Variants in CUTC observed in about 807,000 individuals in gnomAD.
CUTC encodes the protein copper homeostasis protein cutC homolog.
Under a neutral mutation model 36.2 loss-of-function variants are expected in CUTC, and 27 were observed. That is an observed-to-expected ratio of 0.75 (90% confidence interval 0.55 to 1.03). The LOEUF is 1.03. Among genes scored for constraint, CUTC ranks in the 50% least tolerant of loss-of-function variants. The pLI, the probability that CUTC is intolerant of heterozygous loss-of-function variation, is 0.00. For missense variants in CUTC, 315 were observed against 343.5 expected (o/e 0.92, Z 0.66); for synonymous variants, 114 against 118.3 (o/e 0.96, Z 0.24).
At chr10:99,744,742 G>A (rs947517073) in intron 5 of CUTC, among the ~76,000 whole-genome samples, 6 of 152,116 alleles carry the variant, frequency 3.9e-5, no homozygotes, top group Non-Finnish European at 8.8e-5. Context: ...TAAAAAATCA[G>A]GTAGATATAA....
In CUTC at chr10:99,741,170, CA is replaced by C. The variant is rs2037338202; in HGVS notation, c.193+1405del. Among the ~76,000 whole-genome samples the C allele has an allele frequency of 3.3e-5, 5 of 152,114 alleles. No individual in the cohort carries two copies. In the South Asian group the frequency reaches 1.0e-3, roughly 31 times the overall value. On this transcript the variant is annotated intron_variant, in intron 3 of 8. Coordinates refer to ENST00000370476, the MANE Select transcript of CUTC (RefSeq NM_015960.3). ...CATTTTTGAATTCCTACAAATGTTC[CA>C]AAACAGTTTGGTCCTTTTGGGTCTT...
At position 99,743,324 on chromosome 10, in the gene CUTC, A is replaced by ATGGGGGCATTGACTGAAGG. The variant is rs1413166522; in HGVS notation, c.368_369insGGGCATTGACTGAAGGTGG (p.His124GlyfsTer4). 1 of 1,614,076 alleles carries ATGGGGGCATTGACTGAAGG rather than the reference A, an allele frequency of 6.2e-7. No homozygotes were observed. The highest frequency in any genetic ancestry group is 1.3e-5 in the African/African-American group (1 of 74,924). ...TTGGTTTTTGGGGCATTGACTGAAG[A>ATGGGGGCATTGACTGAAGG]TGGACACATTGACAAAGAGCTGTGT... is the stretch of plus-strand genomic sequence containing the variant. On this transcript the variant is annotated stop_gained and frameshift_variant, in exon 4 of 9. Transcript: ENST00000370476. LOFTEE classifies it high-confidence loss of function.
In CUTC at chr10:99,732,347, G is replaced by T. The variant is rs2037205566; in HGVS notation, c.-2G>T. 1 of 1,552,482 alleles carries T rather than the reference G, an allele frequency of 6.4e-7. No homozygotes were observed. Among genetic ancestry groups the T allele is most frequent in the Non-Finnish European group, 8.7e-7 (1 of 1,147,666 alleles). ...GGCGCACGAGGGAGGAACGCGTGGAGCATGAAAAGGCAGGGGGCCTCCTCT... is the reference window on the plus strand; with the variant it reads ...GGCGCACGAGGGAGGAACGCGTGGATCATGAAAAGGCAGGGGGCCTCCTCT... On this transcript the variant is annotated 5_prime_UTR_variant, in exon 1 of 9. Coordinates refer to ENST00000370476, the MANE Select transcript of CUTC (RefSeq NM_015960.3).
chr10:99,753,441 A>G (rs964320517), intron 7 of CUTC, among the ~76,000 whole-genome samples: 1 of 152,150 alleles, frequency 6.6e-6, no homozygotes, highest in African/African-American at 2.4e-5. Context: ...ACAGGGTCTC[A>G]CTGTGTCGCC....
chr10:99,747,496 A>G, intron 6 of CUTC, 106 bp downstream of exon 6: 2 of 1,297,808 alleles, frequency 1.5e-6, no homozygotes, highest in East Asian at 2.4e-5. Context: ...CTTTGTGGTT[A>G]CTCTGTAGGA....
At chr10:99,738,225 T>G (rs2037312534) in intron 2 of CUTC, among the ~76,000 whole-genome samples, 1 of 152,114 alleles carries the variant, frequency 6.6e-6, no homozygotes, top group Non-Finnish European at 1.5e-5. Context: ...CATACATATA[T>G]AAGAAATCCA....
At chr10:99,746,119 T>A (rs962369916) in intron 5 of CUTC, among the ~76,000 whole-genome samples, 2 of 152,186 alleles carry the variant, frequency 1.3e-5, no homozygotes, top group Non-Finnish European at 2.9e-5. Flanking sequence ...CATATATGAG[T>A]GCTACCTGTG....
intron 2 of CUTC, among the ~76,000 whole-genome samples, chr10:99,738,345 G>A (rs745414153): frequency 4.6e-5 from 7 of 150,718 alleles, no homozygotes; most frequent in East Asian, 1.9e-4. Context: ...TCTTAATATC[G>A]TCAAATAACC....
chr10:99,744,092 A>G lies in CUTC; in HGVS notation c.439+20A>G, dbSNP rs1355395111. 1.9e-6 allele frequency: 3 copies of G among 1,604,042 alleles called. No individual in the cohort carries two copies. Among genetic ancestry groups the G allele is most frequent in the Non-Finnish European group, 2.6e-6 (3 of 1,173,090 alleles). On this transcript the variant is annotated intron_variant, in intron 5 of 8. Coordinates refer to ENST00000370476, the MANE Select transcript of CUTC (RefSeq NM_015960.3). ...ACCGAGGTGAGTCATTTTCATTTTA[A>G]AAGTTCTATTGAACAGTGTTAGTTT...
At chr10:99,740,364 A>G (rs2037332895) in intron 3 of CUTC, among the ~76,000 whole-genome samples, 2 of 151,858 alleles carry the variant, frequency 1.3e-5, no homozygotes, top group Admixed American at 1.3e-4. Flanking sequence ...CAGCTTTTAT[A>G]TGTCTAAAAT....
intron 1 of CUTC, among the ~76,000 whole-genome samples, chr10:99,735,591 A>G (rs2037290715): frequency 6.6e-6 from 1 of 152,170 alleles, no homozygotes; most frequent in Non-Finnish European, 1.5e-5. Context: ...TATTTTTAGT[A>G]GAGACAGGGT....
Position 99,747,242 on chromosome 10 carries a change from T to C in CUTC, c.440-15T>C, listed in dbSNP as rs2037384350. 2 of 1,612,368 alleles carry C rather than the reference T, an allele frequency of 1.2e-6. No individual in the cohort carries two copies. The highest frequency in any genetic ancestry group is 1.7e-6 in the Non-Finnish European group (2 of 1,179,490). On this transcript the variant is annotated splice_polypyrimidine_tract_variant and intron_variant, in intron 5 of 8. Coordinates refer to ENST00000370476, the MANE Select transcript of CUTC (RefSeq NM_015960.3). The stretch of plus-strand genomic sequence containing the variant: ...GATACCTGTTCAAAATTCACATCAG[T>C]TTTATTTATTTCAGCCTTTGACATG...
intron 3 of CUTC, 94 bp from the exon 4 acceptor site, chr10:99,743,059 C>T: frequency 1.7e-6 from 2 of 1,211,110 alleles, no homozygotes; most frequent in Non-Finnish European, 1.2e-6. Context: ...GTCTGTCCTA[C>T]CTTTTAGAGC....
chr10:99,747,925 A>G (rs2037390854), intron 6 of CUTC, among the ~76,000 whole-genome samples: 1 of 152,216 alleles, frequency 6.6e-6, no homozygotes. Flanking sequence ...CTAAAATTAT[A>G]ATCTTATTTC....
chr10:99,736,094 GA>G (rs2037294433), intron 1 of CUTC, 151 bp from the exon 2 acceptor site: 1 of 598,782 alleles, frequency 1.7e-6, no homozygotes, highest in African/African-American at 1.9e-5. Context: ...TAATTAATGT[GA>G]TATTTTATTG....
intron 3 of CUTC, among the ~76,000 whole-genome samples, chr10:99,740,269 A>G (rs2037332289): frequency 9.8e-6 from 1 of 102,530 alleles, no homozygotes; most frequent in South Asian, 3.0e-4. Flanking sequence ...TAGATCCCGT[A>G]TTTCTGTCTG....
chr10:99,755,567 C>A, intron 8 of CUTC, 58 bp from the exon 9 acceptor site: 1 of 1,064,098 alleles, frequency 9.4e-7, no homozygotes, highest in Non-Finnish European at 1.4e-6. Flanking sequence ...AATGAAGCGG[C>A]AGTAGGAGGG....
intron 7 of CUTC, among the ~76,000 whole-genome samples, chr10:99,752,573 A>G (rs2037427447): frequency 6.6e-6 from 1 of 152,176 alleles, no homozygotes; most frequent in Admixed American, 6.5e-5. Context: ...CTAAATATAT[A>G]TAGTTTTGAC....
Position 99,732,273 on chromosome 10 carries a change from G to T in CUTC, c.-76G>T, listed in dbSNP as rs1378785634. On this transcript the variant is annotated 5_prime_UTR_variant, in exon 1 of 9. Transcript: ENST00000370476. ...CACGGGCGCGCGCAGCTGTTGACGC[G>T]CTTCTTAGCTGGTGCGCGCCGGAGC... is the stretch of plus-strand genomic sequence containing the variant. The T allele has an allele frequency of 1.9e-6, 3 of 1,538,734 alleles. No individual in the cohort carries two copies. The South Asian group carries it at 3.6e-5, about 18-fold the overall frequency.
Sources: allele counts gnomAD v4.1 joint callset (sites outside exome capture counted in the v4.1 genomes callset), GRCh38; gene constraint gnomAD v4.1.1; transcripts MANE v1.5; gene names NCBI Gene and HGNC (gene_info 2026-07-23, HGNC 2026-07-21).